The following CDH4 variants were observed in gnomAD, a reference collection of about 807,000 sequenced individuals.
CDH4 encodes the protein cadherin 4.
In CDH4, 33 loss-of-function variants were observed where a neutral mutation model predicts 86.0. The ratio of observed to expected loss-of-function variants is 0.38; its 90% CI spans 0.29 to 0.51. The LOEUF (loss-of-function observed/expected upper bound fraction) is 0.51, where lower values mean the gene tolerates loss of function less well. Among genes scored for constraint, CDH4 ranks in the 20% least tolerant of loss-of-function variants. The probability of loss-of-function intolerance (pLI) is 0.86; values close to 1 mark genes in which losing one functional copy is unlikely to be tolerated. For missense variants in CDH4, 1,114 were observed against 1,307.4 expected (o/e 0.85, Z 2.28); for synonymous variants, 555 against 549.4 (o/e 1.01, Z -0.14).
rs1184435501 is a variant in CDH4 at position 61,902,244 on chromosome 20, G to A, written c.1188+7197G>A. 6.6e-6 allele frequency among the ~76,000 whole-genome samples: 1 copy of A among 152,252 alleles called. No homozygotes were observed. Among genetic ancestry groups the A allele is most frequent in the African/African-American group, 2.4e-5 (1 of 41,474 alleles). ...CAGGCAGCACAAACGGATGAACGATGCAGAGGCAGAAAAGGTCAAGCCGGG... is the reference window on the plus strand; with the variant it reads ...CAGGCAGCACAAACGGATGAACGATACAGAGGCAGAAAAGGTCAAGCCGGG... On this transcript the variant is annotated intron_variant, in intron 8 of 15. Transcript: ENST00000614565. The surrounding 1 kb of genome is among the most constrained non-coding windows in gnomAD (Gnocchi z 4.6).
rs909838479 is a variant in CDH4 at position 61,518,075 on chromosome 20, G to A, written c.170-225488G>A. Among the ~76,000 whole-genome samples the A allele has an allele frequency of 5.3e-5, 8 of 152,172 alleles. No individual in the cohort carries two copies. The highest frequency in any genetic ancestry group is 4.6e-4 in the Admixed American group (7 of 15,284). ...GGCGCTATTTTCCCCATGCAGATAA[G>A]GCCCTCAGTTTTCTAAAGAATTTGC... On this transcript the variant is annotated intron_variant, in intron 2 of 15. Coordinates refer to ENST00000614565, the MANE Select transcript of CDH4 (RefSeq NM_001794.5). The surrounding 1 kb of genome is among the most constrained non-coding windows in gnomAD (Gnocchi z 6.3).
chr20:61,573,097 G>T (rs1414367764), intron 2 of CDH4, among the ~76,000 whole-genome samples: 1 of 152,186 alleles, frequency 6.6e-6, no homozygotes, highest in Non-Finnish European at 1.5e-5. Context: ...TGGTTGGACG[G>T]ATGGATGGGG....
chr20:61,419,185 C>T (rs1000049200), intron 2 of CDH4, among the ~76,000 whole-genome samples: 13 of 152,124 alleles, frequency 8.5e-5, no homozygotes, highest in African/African-American at 1.2e-4. Flanking sequence ...TCACTGCAGA[C>T]GTGTCCTGAG....
intron 2 of CDH4, among the ~76,000 whole-genome samples, chr20:61,277,361 G>A (rs1411394223): frequency 6.6e-6 from 1 of 152,152 alleles, no homozygotes; most frequent in African/African-American, 2.4e-5. Context: ...TGGCCTTGTT[G>A]TGACTTTGTG....
intron 2 of CDH4, among the ~76,000 whole-genome samples, chr20:61,659,660 A>G (rs4592925): frequency 0.2 from 10,237 of 52,384 alleles, 1,799 homozygotes; most frequent in Middle Eastern, 0.27. Context: ...GGAGGAGGGT[A>G]GGCCTCAGCC....
intron 4 of CDH4, among the ~76,000 whole-genome samples, chr20:61,836,775 A>C (rs546712572): frequency 6.6e-6 from 1 of 152,364 alleles, no homozygotes; most frequent in Admixed American, 6.5e-5. Flanking sequence ...TACCATGGCA[A>C]GGGCTTTGGA....
intron 4 of CDH4, among the ~76,000 whole-genome samples, chr20:61,805,542 G>GA (rs1980077271): frequency 6.6e-6 from 1 of 152,202 alleles, no homozygotes; most frequent in Admixed American, 6.5e-5. Flanking sequence ...CTCCTGCGAG[G>GA]AAACACAGGC....
Position 61,770,882 on chromosome 20 carries a change from C to CAAA in CDH4, c.397-2109_397-2107dup, listed in dbSNP as rs4002953. ...TGGGCGACAGAGCGAGACTCCGTCTCAAAAAAAAAAAAAACACAGAAAGGT... is the reference window on the plus strand; with the variant it reads ...TGGGCGACAGAGCGAGACTCCGTCTCAAAAAAAAAAAAAAAAACACAGAAAGGT... On this transcript the variant is annotated intron_variant, in intron 3 of 15. Transcript: ENST00000614565. 9.3e-3 allele frequency among the ~76,000 whole-genome samples: 1,043 copies of CAAA among 111,806 alleles called. 12 individuals carry two copies. The highest frequency in any genetic ancestry group is 0.031 in the African/African-American group (881 of 28,366). The allele number at this position is 111,806 out of a possible 152,430, so 73.3% of individuals were successfully genotyped here.
intron 3 of CDH4, among the ~76,000 whole-genome samples, chr20:61,762,332 T>C (rs1466200875): frequency 6.6e-6 from 1 of 152,232 alleles, no homozygotes; most frequent in Non-Finnish European, 1.5e-5. Flanking sequence ...AAAGTTCTGC[T>C]CTCTGAGCTG....
At chr20:61,882,607 G>T (rs1365215268) in intron 7 of CDH4, among the ~76,000 whole-genome samples, 1 of 152,156 alleles carries the variant, frequency 6.6e-6, no homozygotes, top group African/African-American at 2.4e-5. Context: ...CTCCCTCCCG[G>T]GGTTCCGACG....
chr20:61,748,032 G>C (rs2088439893), intron 3 of CDH4, among the ~76,000 whole-genome samples: 1 of 152,208 alleles, frequency 6.6e-6, no homozygotes, highest in East Asian at 1.9e-4. Flanking sequence ...AGAAAAGGCA[G>C]AATTCCTTTG....
chr20:61,697,480 GC>G (rs1364849778), intron 2 of CDH4, among the ~76,000 whole-genome samples: 1 of 152,132 alleles, frequency 6.6e-6, no homozygotes, highest in Non-Finnish European at 1.5e-5. Flanking sequence ...CACTTGTAAT[GC>G]CAGCTACTCG....
intron 9 of CDH4, among the ~76,000 whole-genome samples, chr20:61,922,059 T>C (rs929015949): frequency 4.6e-5 from 7 of 152,250 alleles, no homozygotes; most frequent in African/African-American, 1.7e-4. Context: ...TCTTTACGGC[T>C]GCAAGTGTCT....
chr20:61,790,450 A>G (rs1979117639), intron 4 of CDH4, among the ~76,000 whole-genome samples: 1 of 149,206 alleles, frequency 6.7e-6, no homozygotes, highest in Non-Finnish European at 1.5e-5. Context: ...CCATTCATCC[A>G]TCCACCCATC....
At chr20:61,495,895 T>C (rs1477299581) in intron 2 of CDH4, among the ~76,000 whole-genome samples, 10 of 77,960 alleles carry the variant, frequency 1.3e-4, no homozygotes, top group Middle Eastern at 0.012. Context: ...AGAGTGAGAC[T>C]CCATCTCAAA....
intron 2 of CDH4, among the ~76,000 whole-genome samples, chr20:61,551,695 A>T (rs1332816302): frequency 6.6e-6 from 1 of 152,236 alleles, no homozygotes; most frequent in African/African-American, 2.4e-5. Flanking sequence ...AAAACACACT[A>T]CTGTGAAGAA....
chr20:61,414,511 C>T (rs1382259365), intron 2 of CDH4, among the ~76,000 whole-genome samples: 4 of 152,228 alleles, frequency 2.6e-5, no homozygotes, highest in Non-Finnish European at 5.9e-5. Flanking sequence ...CAAATGCTTG[C>T]CGACCAGCTC....
intron 2 of CDH4, among the ~76,000 whole-genome samples, chr20:61,655,320 T>C (rs2087175388): frequency 6.6e-6 from 1 of 152,238 alleles, no homozygotes; most frequent in African/African-American, 2.4e-5. Flanking sequence ...GATGATATAT[T>C]ACTTCATTGA....
intron 2 of CDH4, among the ~76,000 whole-genome samples, chr20:61,675,877 G>A (rs1292658343): frequency 1.3e-5 from 2 of 152,230 alleles, no homozygotes; most frequent in African/African-American, 4.8e-5. Flanking sequence ...CAGAGTTTGA[G>A]GCCAGGGTGC....
Sources: allele counts gnomAD v4.1 joint callset (sites outside exome capture counted in the v4.1 genomes callset), GRCh38; gene constraint gnomAD v4.1.1; non-coding constraint Gnocchi (gnomAD v3.1); transcripts MANE v1.5; gene names NCBI Gene and HGNC (gene_info 2026-07-23, HGNC 2026-07-21).